The following DHRSX variants were observed in gnomAD, a reference collection of about 807,000 sequenced individuals.
DHRSX encodes the protein polyprenol dehydrogenase.
A neutral mutation model predicts 34.0 loss-of-function variants in DHRSX; 31 were observed. The observed-to-expected ratio is 0.91, with a 90% CI of 0.69 to 1.23. The LOEUF (loss-of-function observed/expected upper bound fraction) is 1.23. Among genes scored for constraint, DHRSX ranks in the 50% most tolerant of loss-of-function variants. The pLI, the probability that DHRSX is intolerant of heterozygous loss-of-function variation, is 0.00. For missense variants in DHRSX, 414 were observed against 428.1 expected (o/e 0.97, Z 0.29); for synonymous variants, 201 against 183.8 (o/e 1.09, Z -0.76).
intron 1 of DHRSX, among the ~76,000 whole-genome samples, chrX:2,452,106 G>A (rs2044228238): frequency 6.6e-6 from 1 of 151,652 alleles, no homozygotes; most frequent in Non-Finnish European, 1.5e-5. Flanking sequence ...CACTGAAGAC[G>A]TTCACTAAGC....
intron 3 of DHRSX, among the ~76,000 whole-genome samples, chrX:2,346,148 C>G (rs755827462): frequency 3.3e-5 from 5 of 152,226 alleles, no homozygotes; most frequent in Non-Finnish European, 7.4e-5. Context: ...TAAAATTTAA[C>G]TCAAATACAT....
intron 1 of DHRSX, among the ~76,000 whole-genome samples, chrX:2,491,998 A>C (rs1001312990): frequency 5.3e-5 from 8 of 152,196 alleles, no homozygotes; most frequent in African/African-American, 1.9e-4. Context: ...TTGTGTCTCC[A>C]AGTGTCCAGT....
chrX:2,346,462 C>T (rs2042713203), intron 3 of DHRSX, among the ~76,000 whole-genome samples: 1 of 152,072 alleles, frequency 6.6e-6, no homozygotes, highest in Non-Finnish European at 1.5e-5. Flanking sequence ...CCCAGCCTCC[C>T]CTCCCACAAG....
At chrX:2,223,401 T>C (rs939326905) in intron 6 of DHRSX, among the ~76,000 whole-genome samples, 4 of 152,102 alleles carry the variant, frequency 2.6e-5, no homozygotes, top group Non-Finnish European at 5.9e-5. Flanking sequence ...TAAGCCTCTT[T>C]CCTCTATAAA....
At chrX:2,467,946 C>A (rs1324466881) in intron 1 of DHRSX, among the ~76,000 whole-genome samples, 2 of 141,160 alleles carry the variant, frequency 1.4e-5, no homozygotes, top group Non-Finnish European at 3.0e-5. Flanking sequence ...CTGGGCGACA[C>A]AGTAAAACTC....
At chrX:2,455,937 A>G in intron 1 of DHRSX, among the ~76,000 whole-genome samples, 1 of 152,062 alleles carries the variant, frequency 6.6e-6, no homozygotes, top group East Asian at 1.9e-4. Flanking sequence ...TAGAAGGTGC[A>G]TGCCTGCTCT....
At chrX:2,474,987 A>C (rs68088760) in intron 1 of DHRSX, among the ~76,000 whole-genome samples, 31,018 of 151,026 alleles carry the variant, frequency 0.21, 4,197 homozygotes, top group African/African-American at 0.39. Flanking sequence ...GGCCAAGGGA[A>C]TGCACTGAAG....
intron 1 of DHRSX, among the ~76,000 whole-genome samples, chrX:2,479,936 G>A (rs1266149263): frequency 6.6e-6 from 1 of 152,190 alleles, no homozygotes; most frequent in African/African-American, 2.4e-5. Flanking sequence ...CTGGGAAGAC[G>A]TTCACTAAAG....
chrX:2,239,724 G>A (rs1207013803), intron 6 of DHRSX, among the ~76,000 whole-genome samples: 4 of 152,084 alleles, frequency 2.6e-5, no homozygotes, highest in South Asian at 2.1e-4. Flanking sequence ...AGCTGAGATC[G>A]CGCCAACGCA....
intron 1 of DHRSX, among the ~76,000 whole-genome samples, chrX:2,426,176 A>G (rs1603080681): frequency 6.6e-6 from 1 of 152,186 alleles, no homozygotes; most frequent in Non-Finnish European, 1.5e-5. Context: ...CATGAAAGTC[A>G]TGCATCAGAA....
intron 6 of DHRSX, among the ~76,000 whole-genome samples, chrX:2,235,497 C>A (rs967209659): frequency 6.6e-6 from 1 of 151,846 alleles, no homozygotes; most frequent in Admixed American, 6.6e-5. Context: ...GTCATCCCAG[C>A]ACTCTGGGAG....
intron 3 of DHRSX, among the ~76,000 whole-genome samples, chrX:2,394,861 G>C (rs1370196494): frequency 6.7e-6 from 1 of 149,786 alleles, no homozygotes; most frequent in South Asian, 2.1e-4. Context: ...GTGAGACTCC[G>C]TCTCATGAAA....
In DHRSX at chrX:2,489,022, G is replaced by C. The variant is rs774383291; in HGVS notation, c.109+11795C>G. 1.6e-5 allele frequency: 26 copies of C among 1,612,846 alleles called. No homozygotes were observed. The South Asian group carries it at 2.9e-4, about 18-fold the overall frequency. On this transcript the variant is annotated intron_variant, in intron 1 of 6. Coordinates refer to ENST00000334651, the MANE Select transcript of DHRSX (RefSeq NM_145177.3). ...AGTTGCTCAGCTCCTCCACCACCTG[G>C]GCATGCCACTCTTCCTGGTCCTCCA...
At chrX:2,301,518 T>G (rs1458427602) in intron 3 of DHRSX, among the ~76,000 whole-genome samples, 1 of 152,218 alleles carries the variant, frequency 6.6e-6, no homozygotes, top group Non-Finnish European at 1.5e-5. Context: ...GCTTTGGTCT[T>G]ATTGCTGCGT....
At chrX:2,414,389 C>T (rs1288491334) in intron 2 of DHRSX, among the ~76,000 whole-genome samples, 2 of 151,564 alleles carry the variant, frequency 1.3e-5, no homozygotes, top group African/African-American at 4.8e-5. Context: ...GACCTCATCA[C>T]AACCTTATCC....
At chrX:2,346,524 T>C (rs1285700598) in intron 3 of DHRSX, among the ~76,000 whole-genome samples, 2 of 151,968 alleles carry the variant, frequency 1.3e-5, no homozygotes, top group East Asian at 1.9e-4. Flanking sequence ...CCCAAATCCT[T>C]CCCGCAGCCT....
intron 3 of DHRSX, among the ~76,000 whole-genome samples, chrX:2,345,522 C>G (rs1043990324): frequency 2.0e-5 from 3 of 151,602 alleles, no homozygotes; most frequent in Non-Finnish European, 4.4e-5. Context: ...TGGTGTGTGC[C>G]TATAATCACA....
chrX:2,435,976 C>G (rs1017660369), intron 1 of DHRSX, among the ~76,000 whole-genome samples: 18 of 152,180 alleles, frequency 1.2e-4, no homozygotes, highest in African/African-American at 4.3e-4. Context: ...AGGCGGATCA[C>G]GAGGTCAGGA....
intron 5 of DHRSX, among the ~76,000 whole-genome samples, chrX:2,247,350 T>C (rs777219914): frequency 6.7e-6 from 1 of 149,334 alleles, no homozygotes; most frequent in Admixed American, 6.6e-5. Context: ...GAGCAGACCC[T>C]GAAACTATAA....
Sources: allele counts gnomAD v4.1 joint callset (sites outside exome capture counted in the v4.1 genomes callset), GRCh38; gene constraint gnomAD v4.1.1; transcripts MANE v1.5; gene names NCBI Gene and HGNC (gene_info 2026-07-23, HGNC 2026-07-21).